MROH1: variants seen among roughly 807,000 people sequenced by gnomAD.
MROH1 encodes maestro heat like repeat family member 1.
In MROH1, 117 loss-of-function variants were observed where a neutral mutation model predicts 116.5. That is an observed-to-expected ratio of 1.00 (90% CI 0.86 to 1.17). The LOEUF is 1.17. Among genes scored for constraint, MROH1 ranks in the 50% most tolerant of loss-of-function variants. MROH1 has a pLI of 0.00. For missense variants in MROH1, 1,873 were observed against 1,338.5 expected (o/e 1.40, Z -6.23); for synonymous variants, 921 against 583.9 (o/e 1.58, Z -8.32).
chr8:144,240,502 T>C, intron 19 of MROH1, 68 bp from the exon 20 acceptor site: 1 of 709,460 alleles, frequency 1.4e-6, no homozygotes. Flanking sequence ...CATGGGGATG[T>C]GCCCAGGCTC....
chr8:144,153,501 T>TA (rs1187339834), intron 1 of MROH1, among the ~76,000 whole-genome samples: 1 of 152,174 alleles, frequency 6.6e-6, no homozygotes, highest in African/African-American at 2.4e-5. Flanking sequence ...CCAGCCTCCT[T>TA]TTTTAAGACT....
chr8:144,245,131 C>T, intron 28 of MROH1, 25 bp from the exon 29 acceptor site: 2 of 778,672 alleles, frequency 2.6e-6, no homozygotes, highest in Admixed American at 1.7e-5. Flanking sequence ...CTGAGCAGTA[C>T]CTGTGTGACG....
intron 4 of MROH1, among the ~76,000 whole-genome samples, chr8:144,172,924 G>A (rs1383412291): frequency 1.3e-5 from 2 of 152,012 alleles, no homozygotes; most frequent in African/African-American, 2.4e-5. Context: ...TCCCTGGGCC[G>A]TGGTCAGTCA....
chr8:144,156,970 T>C (rs1330709905), intron 1 of MROH1, among the ~76,000 whole-genome samples: 1 of 151,198 alleles, frequency 6.6e-6, no homozygotes, highest in Non-Finnish European at 1.5e-5. Context: ...AGTATTATTA[T>C]TTTTAGACAG....
chr8:144,171,023 T>C (rs1048842750), intron 4 of MROH1, among the ~76,000 whole-genome samples: 3 of 152,170 alleles, frequency 2.0e-5, no homozygotes, highest in Non-Finnish European at 4.4e-5. Context: ...TGTGACCAAA[T>C]GGGGGGGATT....
intron 4 of MROH1, among the ~76,000 whole-genome samples, chr8:144,177,955 G>GTAT (rs1824447878): frequency 7.4e-6 from 1 of 134,780 alleles, no homozygotes; most frequent in Non-Finnish European, 1.6e-5. Flanking sequence ...CCAGTCTCCG[G>GTAT]TATTTCTTCT....
chr8:144,215,160 CTAAT>C (rs1323240895), intron 12 of MROH1, among the ~76,000 whole-genome samples: 3 of 152,232 alleles, frequency 2.0e-5, no homozygotes, highest in Non-Finnish European at 4.4e-5. Context: ...ATCCTTCACT[CTAAT>C]TAAGTTGACA....
chr8:144,211,342 A>G (rs967567867), intron 12 of MROH1, among the ~76,000 whole-genome samples: 3 of 152,158 alleles, frequency 2.0e-5, no homozygotes, highest in Non-Finnish European at 1.5e-5. Context: ...CTATAATTCT[A>G]TCATTTATTT....
chr8:144,179,481 C>T lies in MROH1; in HGVS notation c.195C>T (p.Val65=), dbSNP rs1175776733. The T allele has an allele frequency of 4.3e-6, 7 of 1,613,452 alleles. No homozygotes were observed. The East Asian group carries it at 1.3e-4, about 31-fold the overall frequency. Residue 65 remains valine (V), a synonymous_variant, in exon 5 of 44, where the codon GTC becomes GTT. Coordinates refer to ENST00000326134, the MANE Select transcript of MROH1 (RefSeq NM_032450.3). ...DKLAHPYRAA[V]LRAMERVLSS... is the part of the protein sequence containing the mutation. The stretch of plus-strand genomic sequence containing the variant: ...TGGCACACCCATACCGAGCAGCGGT[C>T]CTGAGGGCCATGGAGAGGGTCCTGA...
chr8:144,190,523 A>G (rs1267844008), intron 7 of MROH1, among the ~76,000 whole-genome samples: 2 of 152,156 alleles, frequency 1.3e-5, no homozygotes. Context: ...GTGTCACAAC[A>G]CACCAGCCTG....
intron 12 of MROH1, among the ~76,000 whole-genome samples, chr8:144,217,186 C>T (rs186237123): frequency 2.0e-5 from 3 of 152,236 alleles, no homozygotes; most frequent in Admixed American, 6.5e-5. Flanking sequence ...TTATTGGTAG[C>T]ATATAAATTT....
rs753783091 is a variant in MROH1, at chr8:144,204,331, CA to C, written c.1141+3793del. On this transcript the variant is annotated intron_variant, in intron 12 of 43. Coordinates refer to ENST00000326134, the MANE Select transcript of MROH1 (RefSeq NM_032450.3). Reference sequence around the variant, plus strand: ...CTACTTATGTTGCCCAGGCTGGTCTCAAACTCCTGGGTTCAAGTGATCCTCT... The same window carrying C: ...CTACTTATGTTGCCCAGGCTGGTCTCAACTCCTGGGTTCAAGTGATCCTCT... Among the ~76,000 whole-genome samples, 36 of 152,310 alleles carry C rather than the reference CA, an allele frequency of 2.4e-4. No individual in the cohort carries two copies. In the East Asian group the frequency reaches 6.5e-3, roughly 28 times the overall value.
At chr8:144,194,795 C>T (rs956679127) in intron 10 of MROH1, among the ~76,000 whole-genome samples, 1 of 152,024 alleles carries the variant, frequency 6.6e-6, no homozygotes, top group Non-Finnish European at 1.5e-5. Flanking sequence ...GTAATCCCAG[C>T]TATTCAGGAG....
At position 144,191,774 on chromosome 8, in the gene MROH1, G is replaced by C; in HGVS notation, c.774G>C (p.Arg258Ser). The change falls in exon 9 of 44, where the codon AGG becomes AGC. Residue 258 changes from arginine to serine, a missense_variant. Transcript: ENST00000326134. ...TGAGCCATCTGCTGCCCAGTGAGAG[G>C]CTGGAAGAGCAGCTGCCCAAGCTCC... The part of the protein sequence containing the change: ...GPMSHLLPSE[R>S]LEEQLPKLLP... 1 of 1,613,256 alleles carries C rather than the reference G, an allele frequency of 6.2e-7. No individual in the cohort carries two copies. The highest frequency in any genetic ancestry group is 8.5e-7 in the Non-Finnish European group (1 of 1,179,788).
chr8:144,171,962 G>A (rs1822560531), intron 4 of MROH1, among the ~76,000 whole-genome samples: 1 of 152,174 alleles, frequency 6.6e-6, no homozygotes, highest in Non-Finnish European at 1.5e-5. Flanking sequence ...CTCCCTTTTG[G>A]AGTTTGGACA....
intron 33 of MROH1, among the ~76,000 whole-genome samples, chr8:144,254,228 T>C (rs1330253347): frequency 6.6e-6 from 1 of 152,270 alleles, no homozygotes; most frequent in Non-Finnish European, 1.5e-5. Flanking sequence ...TTCTACTGTA[T>C]CTAGACTGGC....
At chr8:144,186,089 C>CG (rs1827092194) in intron 7 of MROH1, among the ~76,000 whole-genome samples, 1 of 150,100 alleles carries the variant, frequency 6.7e-6, no homozygotes, top group African/African-American at 2.4e-5. Flanking sequence ...TGTGTCACCC[C>CG]GGGGAAATGA....
At chr8:144,201,624 T>C (rs985796138) in intron 12 of MROH1, among the ~76,000 whole-genome samples, 1 of 152,212 alleles carries the variant, frequency 6.6e-6, no homozygotes, top group Non-Finnish European at 1.5e-5. Context: ...CACTGCCCCC[T>C]GTACTGAGGT....
chr8:144,260,075 C>T lies in MROH1; in HGVS notation c.4191+18C>T, dbSNP rs1294851662. 1.4e-6 allele frequency: 1 copy of T among 730,506 alleles called. No individual in the cohort carries two copies. The highest frequency in any genetic ancestry group is 1.4e-5 in the South Asian group (1 of 70,174). The allele number at this position is 730,506 out of a possible 1,614,324, so 45.3% of individuals were successfully genotyped here. On this transcript the variant is annotated intron_variant, in intron 38 of 43. Transcript: ENST00000326134. ...CTGACAAGGTGGGGTGGCCACCAGCCCCTCTGGGTCCCAGGCAGCATGGGT... is the reference window on the plus strand; with the variant it reads ...CTGACAAGGTGGGGTGGCCACCAGCTCCTCTGGGTCCCAGGCAGCATGGGT...
Sources: gnomAD v4.1 joint callset for allele counts (sites outside exome capture counted in the v4.1 genomes callset) on GRCh38, gnomAD v4.1.1 for gene constraint, MANE v1.5 for transcripts, NCBI Gene and HGNC (gene_info 2026-07-23, HGNC 2026-07-21) for gene names.